PCDH15: variants seen among roughly 807,000 people sequenced by gnomAD.
The protein encoded by PCDH15 is protocadherin related 15.
In PCDH15, 129 loss-of-function variants were observed where a neutral mutation model predicts 178.5. The ratio of observed to expected loss-of-function variants is 0.72; its 90% confidence interval spans 0.63 to 0.84. The LOEUF (loss-of-function observed/expected upper bound fraction) is 0.84, where lower values mean the gene tolerates loss of function less well. Ranked by LOEUF, PCDH15 falls within the 40% of genes least tolerant of loss-of-function variation. The probability of loss-of-function intolerance (pLI) is 0.00; values close to 1 mark genes in which losing one functional copy is unlikely to be tolerated. For synonymous variants in PCDH15, 800 were observed against 732.0 expected (o/e 1.09, Z -1.50); for missense variants, 2,230 against 2,099.9 (o/e 1.06, Z -1.21).
intron 1 of PCDH15, among the ~76,000 whole-genome samples, chr10:54,739,647 T>C (rs1944541011): frequency 6.7e-6 from 1 of 149,142 alleles, no homozygotes; most frequent in African/African-American, 2.5e-5. Context: ...AACAAAGCTA[T>C]AGTATCTAAA....
chr10:53,903,314 A>C lies in PCDH15; in HGVS notation c.3430T>G (p.Phe1144Val). 1 of 1,613,208 alleles carries C rather than the reference A, an allele frequency of 6.2e-7. No homozygotes were observed. The highest frequency in any genetic ancestry group is 1.3e-5 in the African/African-American group (1 of 75,028). ...IQDENNHPPV[F>V]QKKFYIGGVS... ...CCTCCGATGTAGAATTTTTTCTGAA[A>C]CACTGGGGGATGATTATTTTCATCC... The change falls in exon 26 of 38, where the codon TTT becomes GTT. Residue 1144 changes from phenylalanine to valine, a missense_variant. Phe to Val is a conservative substitution (Grantham distance 50). Coordinates refer to ENST00000644397, the MANE Select transcript of PCDH15 (RefSeq NM_001384140.1).
At chr10:54,103,355 C>T (rs2094847322) in intron 15 of PCDH15, among the ~76,000 whole-genome samples, 1 of 152,202 alleles carries the variant, frequency 6.6e-6, no homozygotes, top group African/African-American at 2.4e-5. Flanking sequence ...ATGGTAACTA[C>T]ACCCACCTTG....
intron 2 of PCDH15, among the ~76,000 whole-genome samples, chr10:55,598,369 T>C (rs970528380): frequency 2.6e-5 from 4 of 151,238 alleles, no homozygotes; most frequent in African/African-American, 9.7e-5. Flanking sequence ...TTCGCCAGAG[T>C]ACTACATGCA....
intron 2 of PCDH15, among the ~76,000 whole-genome samples, chr10:55,496,382 A>T (rs1443253351): frequency 2.6e-5 from 4 of 151,940 alleles, no homozygotes; most frequent in African/African-American, 9.7e-5. Flanking sequence ...TGATGAATTT[A>T]TCATTAGTAA....
chr10:54,135,038 G>A (rs377088051), intron 14 of PCDH15, among the ~76,000 whole-genome samples: 4 of 150,736 alleles, frequency 2.7e-5, no homozygotes, highest in African/African-American at 7.3e-5. Context: ...ACCCCATCTC[G>A]ACTAAAAAAC....
rs1347306483 is a variant in PCDH15, at chr10:54,099,513, A to AAAAAAAAAAATAT, written c.1918-9451_1918-9450insATATTTTTTTTTT. Among the ~76,000 whole-genome samples, 19 of 117,892 alleles carry AAAAAAAAAAATAT rather than the reference A, an allele frequency of 1.6e-4. 1 individual carries two copies. Among genetic ancestry groups the AAAAAAAAAAATAT allele is most frequent in the East Asian group, 1.0e-3 (4 of 3,932 alleles). The allele number at this position is 117,892 out of a possible 152,430, so 77.3% of individuals were successfully genotyped here. ...GACTCCATCTCAAAAAAAAAAAAAA[A>AAAAAAAAAAATAT]ATATATATATATATATATAAAACAA... On this transcript the variant is annotated intron_variant, in intron 15 of 37. Coordinates refer to ENST00000644397, the MANE Select transcript of PCDH15 (RefSeq NM_001384140.1).
intron 21 of PCDH15, among the ~76,000 whole-genome samples, chr10:53,971,513 T>A (rs1333923999): frequency 6.6e-6 from 1 of 152,184 alleles, no homozygotes; most frequent in Admixed American, 6.5e-5. Context: ...TTTTTTCAGA[T>A]GACATGATTG....
intron 9 of PCDH15, among the ~76,000 whole-genome samples, chr10:54,220,930 C>T (rs185851865): frequency 2.0e-5 from 3 of 151,972 alleles, no homozygotes; most frequent in Admixed American, 2.0e-4. Context: ...TATTTCCCTG[C>T]ATTTCTTAAA....
At chr10:54,148,204 A>G (rs1357533896) in intron 14 of PCDH15, among the ~76,000 whole-genome samples, 1 of 151,974 alleles carries the variant, frequency 6.6e-6, no homozygotes. Context: ...TACTCAATGT[A>G]TAAAAGTATT....
At chr10:54,778,064 A>C (rs1949894872) in intron 1 of PCDH15, among the ~76,000 whole-genome samples, 2 of 152,252 alleles carry the variant, frequency 1.3e-5, no homozygotes, top group Non-Finnish European at 2.9e-5. Context: ...GAAACAAGGA[A>C]GAATTCACGA....
chr10:54,750,555 AT>A (rs1946094982), intron 1 of PCDH15, among the ~76,000 whole-genome samples: 1 of 152,090 alleles, frequency 6.6e-6, no homozygotes, highest in East Asian at 1.9e-4. Context: ...TTAGTTAAAA[AT>A]GTTTCACTTT....
chr10:54,885,352 A>C (rs1307993555), intron 3 of PCDH15, among the ~76,000 whole-genome samples: 1 of 152,032 alleles, frequency 6.6e-6, no homozygotes, highest in East Asian at 1.9e-4. Flanking sequence ...ATTTTACCTC[A>C]GTATAATATT....
intron 2 of PCDH15, among the ~76,000 whole-genome samples, chr10:55,152,593 G>T (rs1287510867): frequency 6.6e-6 from 1 of 152,136 alleles, no homozygotes; most frequent in Non-Finnish European, 1.5e-5. Context: ...GATGACACAG[G>T]TCTTATGTGT....
chr10:53,840,266 T>C (rs550403865), intron 29 of PCDH15, 54 bp downstream of exon 29: 2 of 1,562,122 alleles, frequency 1.3e-6, no homozygotes, highest in East Asian at 2.2e-5. Context: ...GTCAGAATCA[T>C]CTATGGTTGC....
chr10:55,058,258 T>G lies in PCDH15; in HGVS notation c.-80+108318A>C, dbSNP rs552803846. On this transcript the variant is annotated intron_variant, in intron 2 of 5. Transcript: ENST00000458638. ...CAGGGTCTTTCTCTGTTTCCCTGGCTAGAGTGCAGTAGCAAAATCACAACA... is the reference window on the plus strand; with the variant it reads ...CAGGGTCTTTCTCTGTTTCCCTGGCGAGAGTGCAGTAGCAAAATCACAACA... Among the ~76,000 whole-genome samples the G allele has an allele frequency of 1.1e-4, 17 of 152,302 alleles. No homozygotes were observed. In the East Asian group the frequency reaches 3.1e-3, roughly 28 times the overall value.
chr10:54,728,816 G>A (rs762728791), intron 1 of PCDH15, among the ~76,000 whole-genome samples: 103 of 151,276 alleles, frequency 6.8e-4, no homozygotes, highest in Non-Finnish European at 1.3e-3. Context: ...GAGCACAATT[G>A]CATTCATAAT....
intron 2 of PCDH15, among the ~76,000 whole-genome samples, chr10:55,362,643 C>CGTGT (rs148604478): frequency 4.0e-5 from 6 of 149,998 alleles, no homozygotes; most frequent in Admixed American, 2.0e-4. Context: ...TACATGCACT[C>CGTGT]GTGTGTGTGT....
intron 2 of PCDH15, among the ~76,000 whole-genome samples, chr10:55,161,400 C>G (rs936807952): frequency 6.6e-6 from 1 of 152,010 alleles, no homozygotes; most frequent in Admixed American, 6.6e-5. Context: ...AAAATTCCAG[C>G]ACACAGGCCA....
At chr10:54,687,037 C>T (rs940948082) in intron 1 of PCDH15, among the ~76,000 whole-genome samples, 1 of 152,050 alleles carries the variant, frequency 6.6e-6, no homozygotes, top group Non-Finnish European at 1.5e-5. Context: ...TGTTCAATGT[C>T]CCTAATGATA....
Sources: allele counts gnomAD v4.1 joint callset (sites outside exome capture counted in the v4.1 genomes callset), GRCh38; gene constraint gnomAD v4.1.1; transcripts MANE v1.5; gene names NCBI Gene and HGNC (gene_info 2026-07-23, HGNC 2026-07-21).